PCSK6: variants seen among roughly 807,000 people sequenced by gnomAD.
The protein encoded by PCSK6 is proprotein convertase subtilisin/kexin type 6, also known as paired basic amino acid cleaving enzyme 4.
In PCSK6, 85 loss-of-function variants were observed where a neutral mutation model predicts 123.3. The observed-to-expected ratio is 0.69, with a 90% CI of 0.58 to 0.83. The LOEUF (loss-of-function observed/expected upper bound fraction) is 0.83, where lower values mean the gene tolerates loss of function less well. Among genes scored for constraint, PCSK6 ranks in the 40% least tolerant of loss-of-function variants. The pLI is 0.00. For missense variants in PCSK6, 1,191 were observed against 1,282.3 expected (o/e 0.93, Z 1.09); for synonymous variants, 508 against 516.0 (o/e 0.98, Z 0.21).
At chr15:101,390,198 C>T (rs2042184943) in intron 8 of PCSK6, among the ~76,000 whole-genome samples, 1 of 152,294 alleles carries the variant, frequency 6.6e-6, no homozygotes, top group South Asian at 2.1e-4. Flanking sequence ...GGGGCTCTGC[C>T]TGCCCTCCTC....
chr15:101,332,136 T>C, intron 13 of PCSK6, 105 bp from the exon 14 acceptor site: 1 of 1,033,218 alleles, frequency 9.7e-7, no homozygotes, highest in South Asian at 1.7e-5. Flanking sequence ...AGCTGGGCTC[T>C]GGCCTGCTAC....
At position 101,432,108 on chromosome 15, in the gene PCSK6, A is replaced by G. The variant is rs1349241336; in HGVS notation, c.403-8T>C. ...TTGCTGGAGCCATTTCACCTACCAGAAGAAATGCAATTACTGTTTATATTA... is the reference window on the plus strand; with the variant it reads ...TTGCTGGAGCCATTTCACCTACCAGGAGAAATGCAATTACTGTTTATATTA... On this transcript the variant is annotated splice_region_variant and splice_polypyrimidine_tract_variant and intron_variant, in intron 2 of 21. Coordinates refer to ENST00000611716, the MANE Select transcript of PCSK6 (RefSeq NM_002570.5). 7 of 1,604,410 alleles carry G rather than the reference A, an allele frequency of 4.4e-6. No individual in the cohort carries two copies. The South Asian group carries it at 6.7e-5, about 15-fold the overall frequency.
At chr15:101,379,683 G>A (rs113836584) in intron 11 of PCSK6, among the ~76,000 whole-genome samples, 2,642 of 152,324 alleles carry the variant, frequency 0.017, 38 homozygotes, top group Non-Finnish European at 0.026. Context: ...AAACGTGCAC[G>A]GAGAGGGGGC....
intron 6 of PCSK6, among the ~76,000 whole-genome samples, chr15:101,423,260 T>A (rs1317684535): frequency 2.1e-5 from 1 of 47,454 alleles, no homozygotes; most frequent in African/African-American, 1.0e-4. Flanking sequence ...AATATCTGAA[T>A]TTTTTTTTTT....
intron 15 of PCSK6, among the ~76,000 whole-genome samples, chr15:101,330,490 A>C (rs1209715280): frequency 6.6e-6 from 1 of 151,496 alleles, no homozygotes; most frequent in East Asian, 1.9e-4. Context: ...TGGCTTCCAT[A>C]CTCTGGCACC....
At position 101,384,075 on chromosome 15, in the gene PCSK6, C is replaced by T. The variant is rs545791410; in HGVS notation, c.1414+247G>A. 8.5e-5 allele frequency: 83 copies of T among 978,586 alleles called. 1 individual carries two copies. The East Asian group carries it at 1.4e-3, about 16-fold the overall frequency. The allele number at this position is 978,586 out of a possible 1,614,324, so 60.6% of individuals were successfully genotyped here. A position where few individuals can be genotyped will look rare whatever the true frequency, so the allele number is the denominator to read the frequency against. ...GTAAATATTGGTATAGGTGGTGTCT[C>T]GGTGTGGCCAAAGTTATAGAGTATA... On this transcript the variant is annotated intron_variant, in intron 10 of 21. Coordinates refer to ENST00000611716, the MANE Select transcript of PCSK6 (RefSeq NM_002570.5).
chr15:101,342,153 A>G (rs1419295314), intron 13 of PCSK6, among the ~76,000 whole-genome samples: 1 of 142,870 alleles, frequency 7.0e-6, no homozygotes, highest in Non-Finnish European at 1.5e-5. Flanking sequence ...AAAAAAAAAA[A>G]GAAGATTGCT....
chr15:101,400,223 G>A (rs1552946), intron 6 of PCSK6, among the ~76,000 whole-genome samples: 114,670 of 151,964 alleles, frequency 0.75, 43,483 homozygotes, highest in East Asian at 0.97. Flanking sequence ...CTTTGCCTCT[G>A]GCATATACTT....
chr15:101,422,697 C>G (rs2056122756), intron 6 of PCSK6, among the ~76,000 whole-genome samples: 1 of 151,894 alleles, frequency 6.6e-6, no homozygotes, highest in Admixed American at 6.5e-5. Flanking sequence ...TCTCAGCTCA[C>G]TGCAAGCTCT....
chr15:101,385,503 A>C (rs1348450009), intron 9 of PCSK6, among the ~76,000 whole-genome samples: 2 of 152,204 alleles, frequency 1.3e-5, no homozygotes, highest in Admixed American at 6.5e-5. Context: ...AGAACTCTTC[A>C]ATAGTTACAA....
chr15:101,383,409 C>CAAAAAA (rs35670221), intron 10 of PCSK6, among the ~76,000 whole-genome samples: 4 of 76,498 alleles, frequency 5.2e-5, no homozygotes, highest in East Asian at 4.3e-4. Context: ...GACTCTGTCT[C>CAAAAAA]AAAAAAAAAA....
chr15:101,394,873 G>A (rs957441244), intron 7 of PCSK6, among the ~76,000 whole-genome samples: 10 of 152,194 alleles, frequency 6.6e-5, no homozygotes, highest in South Asian at 4.1e-4. Flanking sequence ...AGGCTGCCGC[G>A]TCCACTCTGC....
intron 13 of PCSK6, among the ~76,000 whole-genome samples, chr15:101,343,753 C>T (rs1380036383): frequency 6.6e-6 from 1 of 152,106 alleles, no homozygotes; most frequent in Non-Finnish European, 1.5e-5. Flanking sequence ...CCAAATGGCT[C>T]GACATGTGGC....
At chr15:101,409,220 G>A (rs151054936) in intron 6 of PCSK6, among the ~76,000 whole-genome samples, 2,403 of 152,108 alleles carry the variant, frequency 0.016, 64 homozygotes, top group African/African-American at 0.055. Flanking sequence ...CACTTTGGGC[G>A]GCCGAGGCGG....
chr15:101,313,033 T>G, intron 20 of PCSK6: 1 of 1,188,750 alleles, frequency 8.4e-7, no homozygotes, highest in Non-Finnish European at 1.1e-6. Context: ...ACCCAAAACA[T>G]GGTTTCTCTG....
chr15:101,453,781 G>A (rs184458595), intron 1 of PCSK6, among the ~76,000 whole-genome samples: 1 of 152,202 alleles, frequency 6.6e-6, no homozygotes, highest in African/African-American at 2.4e-5. Flanking sequence ...GAAGTAGGGG[G>A]TGCCTTATCC....
At chr15:101,406,404 A>G (rs937299) in intron 6 of PCSK6, among the ~76,000 whole-genome samples, 1,661 of 152,288 alleles carry the variant, frequency 0.011, 43 homozygotes, top group African/African-American at 0.038. Flanking sequence ...ATAAAATTAG[A>G]CTGTCGCTTC....
chr15:101,347,002 A>G lies in PCSK6; in HGVS notation c.1859-14971T>C. ...AAAGGAGGTAAAGAGATTGACTGCA[A>G]TATTAATGCAAATGGGGTTAAAAAT... On this transcript the variant is annotated intron_variant, in intron 13 of 21. Transcript: ENST00000611716. The G allele has an allele frequency of 4.1e-6, 5 of 1,231,742 alleles. No individual in the cohort carries two copies. In the East Asian group the frequency reaches 1.6e-4, roughly 39 times the overall value. The allele number at this position is 1,231,742 out of a possible 1,614,324, so 76.3% of individuals were successfully genotyped here.
chr15:101,353,427 C>G (rs2040953781), intron 13 of PCSK6, among the ~76,000 whole-genome samples: 1 of 152,092 alleles, frequency 6.6e-6, no homozygotes, highest in Non-Finnish European at 1.5e-5. Flanking sequence ...GTAGTCTAGT[C>G]CCTAACAGTC....
Sources: gnomAD v4.1 joint callset for allele counts (sites outside exome capture counted in the v4.1 genomes callset) on GRCh38, gnomAD v4.1.1 for gene constraint, MANE v1.5 for transcripts, NCBI Gene and HGNC (gene_info 2026-07-23, HGNC 2026-07-21) for gene names.